The following LHFPL6 variants were observed in gnomAD, a reference collection of about 807,000 sequenced individuals.
The protein encoded by LHFPL6 is LHFPL tetraspan subfamily member 6 protein.
LHFPL6 carries 9 observed loss-of-function variants against 20.6 expected under a neutral mutation model. That is an observed-to-expected ratio of 0.44 (90% CI 0.26 to 0.76). The LOEUF is 0.76. LHFPL6 is among the 30% of genes least tolerant of loss of function. The pLI is 0.20. For synonymous variants in LHFPL6, 105 were observed against 98.7 expected, an observed-to-expected ratio of 1.06 and a Z score of -0.38; for missense variants, 218 against 253.5, an observed-to-expected ratio of 0.86 and a Z score of 0.95.
At chr13:39,498,193 T>C (rs1869162493) in intron 2 of LHFPL6, among the ~76,000 whole-genome samples, 1 of 152,224 alleles carries the variant, frequency 6.6e-6, no homozygotes, top group South Asian at 2.1e-4. Context: ...AAAAAGTAAG[T>C]GGTCCAGTTT....
intron 3 of LHFPL6, among the ~76,000 whole-genome samples, chr13:39,377,152 A>G (rs1870310859): frequency 6.6e-6 from 1 of 152,196 alleles, no homozygotes; most frequent in Admixed American, 6.5e-5. Flanking sequence ...TTACCACTAG[A>G]TCATACCCTC....
chr13:39,517,707 A>C (rs1869973094), intron 2 of LHFPL6, among the ~76,000 whole-genome samples: 1 of 152,088 alleles, frequency 6.6e-6, no homozygotes, highest in Non-Finnish European at 1.5e-5. Context: ...TAATTTTTTA[A>C]AAATTGAGAT....
intron 2 of LHFPL6, among the ~76,000 whole-genome samples, chr13:39,542,131 T>TAATAATAAA (rs1415016476): frequency 9.8e-5 from 14 of 142,698 alleles, no homozygotes; most frequent in South Asian, 2.2e-4. Context: ...ATAATAATAA[T>TAATAATAAA]AAAATAAAAA....
intron 2 of LHFPL6, among the ~76,000 whole-genome samples, chr13:39,510,556 A>G (rs1487896302): frequency 1.3e-5 from 2 of 152,226 alleles, no homozygotes; most frequent in East Asian, 3.9e-4. Context: ...AGTGTTTTAC[A>G]TAAGTCTGAA....
chr13:39,479,453 T>C (rs1282330936), intron 2 of LHFPL6, among the ~76,000 whole-genome samples: 1 of 152,110 alleles, frequency 6.6e-6, no homozygotes, highest in Non-Finnish European at 1.5e-5. Context: ...TCCAGAGTGG[T>C]CTTGGGATCA....
intron 3 of LHFPL6, among the ~76,000 whole-genome samples, chr13:39,344,450 C>T (rs1174405042): frequency 6.6e-6 from 1 of 152,156 alleles, no homozygotes; most frequent in Non-Finnish European, 1.5e-5. Flanking sequence ...AATCCTTCTG[C>T]AAAAGGGCCA....
At chr13:39,505,376 A>G (rs1175716068) in intron 2 of LHFPL6, among the ~76,000 whole-genome samples, 1 of 152,208 alleles carries the variant, frequency 6.6e-6, no homozygotes, top group Non-Finnish European at 1.5e-5. Flanking sequence ...CTGAAGGCCT[A>G]CTATGCATAA....
intron 2 of LHFPL6, among the ~76,000 whole-genome samples, chr13:39,462,140 G>C (rs1259635085): frequency 6.6e-6 from 1 of 152,102 alleles, no homozygotes; most frequent in East Asian, 1.9e-4. Context: ...TTTATGGACA[G>C]AGCAGACACT....
At chr13:39,598,294 T>TC (rs1221368924) in intron 2 of LHFPL6, among the ~76,000 whole-genome samples, 1 of 151,874 alleles carries the variant, frequency 6.6e-6, no homozygotes, top group Non-Finnish European at 1.5e-5. Context: ...AAACTTTTTT[T>TC]TTTTTGGTCA....
chr13:39,415,558 A>C (rs376872380), intron 2 of LHFPL6, among the ~76,000 whole-genome samples: 124 of 152,174 alleles, frequency 8.1e-4, no homozygotes, highest in African/African-American at 2.7e-3. Flanking sequence ...TCCTTCATGA[A>C]TTGAAATTAA....
At chr13:39,490,096 A>AAAC (rs201807692) in intron 2 of LHFPL6, among the ~76,000 whole-genome samples, 152 of 69,980 alleles carry the variant, frequency 2.2e-3, no homozygotes, top group East Asian at 0.01. Context: ...ACAAACAAAC[A>AAAC]AAAAAAAAAA....
chr13:39,599,567 C>A (rs2875331), intron 2 of LHFPL6, among the ~76,000 whole-genome samples: 151,721 of 152,334 alleles, frequency 1, 75,554 homozygotes, highest in Middle Eastern at 1. Context: ...AAGGTGCAAA[C>A]CCAATGGGAA....
chr13:39,479,327 A>G (rs574418581), intron 2 of LHFPL6, among the ~76,000 whole-genome samples: 97 of 152,270 alleles, frequency 6.4e-4, no homozygotes, highest in African/African-American at 2.1e-3. Context: ...AGTACTGGGA[A>G]AACTCTAGGC....
intron 2 of LHFPL6, among the ~76,000 whole-genome samples, chr13:39,427,417 A>C (rs1477865751): frequency 6.6e-6 from 1 of 152,216 alleles, no homozygotes; most frequent in East Asian, 1.9e-4. Flanking sequence ...GGTTTTTCAT[A>C]TGTGTCCTTT....
chr13:39,401,936 T>A (rs951406440), intron 2 of LHFPL6, among the ~76,000 whole-genome samples: 1 of 152,194 alleles, frequency 6.6e-6, no homozygotes, highest in African/African-American at 2.4e-5. Flanking sequence ...GTTATTTAGA[T>A]AACAGGTTTC....
intron 2 of LHFPL6, among the ~76,000 whole-genome samples, chr13:39,462,881 G>A (rs1488935934): frequency 6.6e-6 from 1 of 152,134 alleles, no homozygotes; most frequent in African/African-American, 2.4e-5. Context: ...GGATGGGGCT[G>A]GGGGTGCTGG....
chr13:39,431,858 T>C (rs1010178098), intron 2 of LHFPL6, among the ~76,000 whole-genome samples: 1 of 152,150 alleles, frequency 6.6e-6, no homozygotes, highest in Non-Finnish European at 1.5e-5. Context: ...CTGGCTTAAC[T>C]GCAATCCCTC....
Position 39,343,119 on chromosome 13 carries a change from A to C in LHFPL6, c.*817T>G, listed in dbSNP as rs934783508. ...AAAGTTGCCCCTTTTCTTCATAAGA[A>C]TATCATAGCAGAAGCTACTCAGAGA... is the stretch of plus-strand genomic sequence containing the variant. On this transcript the variant is annotated 3_prime_UTR_variant, in exon 4 of 4. Transcript: ENST00000379589. 7 of 202,972 alleles carry C rather than the reference A, an allele frequency of 3.4e-5. No homozygotes were observed. In the East Asian group the frequency reaches 5.3e-4, roughly 15 times the overall value. The allele number at this position is 202,972 out of a possible 1,614,324, so 12.6% of individuals were successfully genotyped here.
At chr13:39,426,669 T>C (rs550161331) in intron 2 of LHFPL6, among the ~76,000 whole-genome samples, 1 of 152,332 alleles carries the variant, frequency 6.6e-6, no homozygotes, top group South Asian at 2.1e-4. Context: ...AAAACTTCAA[T>C]CTTTCTTATG....
Sources: gnomAD v4.1 joint callset for allele counts (sites outside exome capture counted in the v4.1 genomes callset) on GRCh38, gnomAD v4.1.1 for gene constraint, MANE v1.5 for transcripts, NCBI Gene and HGNC (gene_info 2026-07-23, HGNC 2026-07-21) for gene names.